The following ADIPOR2 variants were observed in gnomAD, a reference collection of about 807,000 sequenced individuals.
ADIPOR2 encodes adiponectin receptor protein 2.
Under a neutral mutation model 40.9 loss-of-function variants are expected in ADIPOR2, and 18 were observed. The ratio of observed to expected loss-of-function variants is 0.44; its 90% CI spans 0.30 to 0.65. The LOEUF is 0.65. Among genes scored for constraint, ADIPOR2 ranks in the 30% least tolerant of loss-of-function variants. The pLI is 0.09. For missense variants in ADIPOR2, 283 were observed against 479.2 expected (o/e 0.59, Z 3.82); for synonymous variants, 165 against 166.4 (o/e 0.99, Z 0.06).
intron 1 of ADIPOR2, among the ~76,000 whole-genome samples, chr12:1,712,072 A>G (rs1263900893): frequency 2.0e-5 from 3 of 152,094 alleles, no homozygotes; most frequent in East Asian, 3.8e-4. Context: ...GTACTGTTAC[A>G]TCACTAACTA....
chr12:1,716,653 G>A (rs1453335258), intron 1 of ADIPOR2, among the ~76,000 whole-genome samples: 3 of 152,170 alleles, frequency 2.0e-5, no homozygotes, highest in African/African-American at 2.4e-5. Context: ...TATGTGTGAT[G>A]CATCTAGAAG....
chr12:1,741,764 A>G (rs762199794), intron 1 of ADIPOR2, among the ~76,000 whole-genome samples: 2 of 152,208 alleles, frequency 1.3e-5, no homozygotes, highest in Non-Finnish European at 2.9e-5. Context: ...AAAATAACAA[A>G]TGTCAGGTTT....
At chr12:1,731,547 A>G (rs561211157) in intron 1 of ADIPOR2, among the ~76,000 whole-genome samples, 7 of 152,342 alleles carry the variant, frequency 4.6e-5, no homozygotes, top group South Asian at 2.1e-4. Context: ...GTTCTATTAC[A>G]CTTTCTGACG....
intron 3 of ADIPOR2, 111 bp from the exon 4 acceptor site, chr12:1,777,743 G>C: frequency 9.8e-7 from 1 of 1,021,540 alleles, no homozygotes; most frequent in Non-Finnish European, 1.4e-6. Context: ...TTTTAAAAAT[G>C]AATTGTTTTT....
intron 1 of ADIPOR2, among the ~76,000 whole-genome samples, chr12:1,734,051 TAG>T (rs2094725618): frequency 6.6e-6 from 1 of 152,292 alleles, no homozygotes; most frequent in East Asian, 1.9e-4. Flanking sequence ...CTATTATGAA[TAG>T]AGTGCCGCAA....
At chr12:1,737,358 C>G (rs1862012266) in intron 1 of ADIPOR2, among the ~76,000 whole-genome samples, 1 of 151,630 alleles carries the variant, frequency 6.6e-6, no homozygotes, top group Admixed American at 6.6e-5. Flanking sequence ...TTTTTTCTTA[C>G]AGTATTGTCA....
intron 1 of ADIPOR2, among the ~76,000 whole-genome samples, chr12:1,736,511 T>A (rs1329175204): frequency 1.3e-5 from 2 of 152,358 alleles, no homozygotes; most frequent in South Asian, 2.1e-4. Flanking sequence ...TTTTCTTCTT[T>A]ATTAGTCTTG....
intron 1 of ADIPOR2, among the ~76,000 whole-genome samples, chr12:1,745,065 T>G (rs1486242856): frequency 1.3e-5 from 2 of 152,126 alleles, no homozygotes; most frequent in Non-Finnish European, 2.9e-5. Context: ...TGATTTCCCA[T>G]TGAAACCCTA....
chr12:1,763,829 A>G (rs1275823025), intron 2 of ADIPOR2, among the ~76,000 whole-genome samples: 1 of 152,090 alleles, frequency 6.6e-6, no homozygotes, highest in African/African-American at 2.4e-5. Flanking sequence ...GAATACAAAA[A>G]TTATCCGGGC....
At chr12:1,785,903 A>T in intron 7 of ADIPOR2, 41 bp from the exon 8 acceptor site, 1 of 1,608,764 alleles carries the variant, frequency 6.2e-7, no homozygotes, top group Non-Finnish European at 8.5e-7. Context: ...TTAATAATGT[A>T]TGGGTTTCTC....
At chr12:1,710,539 C>T (rs2094674313) in intron 1 of ADIPOR2, among the ~76,000 whole-genome samples, 1 of 151,992 alleles carries the variant, frequency 6.6e-6, no homozygotes, top group East Asian at 1.9e-4. Context: ...CAGTTAAAAG[C>T]AACTAGCGCG....
intron 1 of ADIPOR2, among the ~76,000 whole-genome samples, chr12:1,729,786 C>A (rs2094716101): frequency 6.6e-6 from 1 of 151,668 alleles, no homozygotes; most frequent in Non-Finnish European, 1.5e-5. Flanking sequence ...TTGTTTATTT[C>A]TTAGAGAAAT....
intron 2 of ADIPOR2, among the ~76,000 whole-genome samples, chr12:1,765,348 A>T (rs563132071): frequency 2.5e-4 from 38 of 152,282 alleles, no homozygotes; most frequent in African/African-American, 8.9e-4. Context: ...GTAATTAGCC[A>T]AGATAGTGGT....
intron 2 of ADIPOR2, among the ~76,000 whole-genome samples, chr12:1,755,603 C>A (rs911252721): frequency 6.6e-6 from 1 of 152,184 alleles, no homozygotes; most frequent in South Asian, 2.1e-4. Context: ...AGATTTTATT[C>A]TTTCATTTCC....
rs150509450 is a variant in ADIPOR2, at chr12:1,783,702, T to C, written c.839-178T>C. 4.0e-3 allele frequency among the ~76,000 whole-genome samples: 606 copies of C among 152,356 alleles called. 3 individuals are homozygous for C. Among genetic ancestry groups the C allele is most frequent in the African/African-American group, 0.014 (582 of 41,572 alleles). On this transcript the variant is annotated intron_variant, in intron 6 of 7. Transcript: ENST00000357103. ...ATCTTTAGAACATAGCTGTGTTGTC[T>C]TGTGTGACAGTGTCCCAGAGTTTGA...
At chr12:1,743,312 A>T (rs2094747685) in intron 1 of ADIPOR2, among the ~76,000 whole-genome samples, 1 of 80,834 alleles carries the variant, frequency 1.2e-5, no homozygotes, top group Non-Finnish European at 2.6e-5. Context: ...ACGCTGTCTA[A>T]AAAAAAAAAA....
intron 1 of ADIPOR2, among the ~76,000 whole-genome samples, chr12:1,694,407 GCA>G (rs896528410): frequency 2.0e-5 from 3 of 152,094 alleles, no homozygotes; most frequent in African/African-American, 7.2e-5. Context: ...GATATAAATG[GCA>G]TAGTATTTGC....
intron 1 of ADIPOR2, among the ~76,000 whole-genome samples, chr12:1,749,489 A>G (rs779209992): frequency 1.7e-4 from 26 of 152,230 alleles, no homozygotes; most frequent in Admixed American, 7.9e-4. Flanking sequence ...AAGAAGACCA[A>G]TAGATATCAT....
chr12:1,748,319 G>A (rs992020277), intron 1 of ADIPOR2, among the ~76,000 whole-genome samples: 44 of 152,082 alleles, frequency 2.9e-4, no homozygotes, highest in Non-Finnish European at 6.0e-4. Context: ...CGCGATCTCG[G>A]CTCACTGCAA....
Sources: gnomAD v4.1 joint callset for allele counts (sites outside exome capture counted in the v4.1 genomes callset) on GRCh38, gnomAD v4.1.1 for gene constraint, MANE v1.5 for transcripts, NCBI Gene and HGNC (gene_info 2026-07-23, HGNC 2026-07-21) for gene names.